BCL2L12: variants seen among roughly 807,000 people sequenced by gnomAD.
BCL2L12 encodes BCL2 like 12, also known as bcl-2-like protein 12.
A neutral mutation model predicts 25.7 loss-of-function variants in BCL2L12; 27 were observed. The ratio of observed to expected loss-of-function variants is 1.05; its 90% CI spans 0.78 to 1.45. BCL2L12 has a LOEUF of 1.45. Among genes scored for constraint, BCL2L12 ranks in the 40% most tolerant of loss-of-function variants. The pLI, the probability that BCL2L12 is intolerant of heterozygous loss-of-function variation, is 0.00. For synonymous variants in BCL2L12, 132 were observed against 145.6 expected (o/e 0.91, Z 0.67); for missense variants, 302 against 329.8 (o/e 0.92, Z 0.65).
upstream of BCL2L12, chr19:49,665,923 A>C (rs767861480): frequency 6.2e-7 from 1 of 1,613,804 alleles, no homozygotes; most frequent in Non-Finnish European, 8.5e-7. Flanking sequence ...GCGTGCACCC[A>C]GCGTTCCGCC....
chr19:49,668,803 T>G (rs1279145325), intron 3 of BCL2L12, 48 bp from the exon 4 acceptor site: 4 of 1,542,386 alleles, frequency 2.6e-6, no homozygotes, highest in Non-Finnish European at 2.7e-6. Context: ...AGAGAATCCG[T>G]AAGTTTCCAA....
intron 3 of BCL2L12, 140 bp downstream of exon 3, chr19:49,667,301 C>T (rs1363386002): frequency 4.9e-6 from 6 of 1,226,510 alleles, no homozygotes; most frequent in Non-Finnish European, 6.8e-6. Flanking sequence ...CTCTCCCCTC[C>T]CCAGTTAGAT....
Position 49,665,953 on chromosome 19 carries a change from T to A in BCL2L12, c.-123T>A, listed in dbSNP as rs752989868. The A allele has an allele frequency of 9.9e-6, 16 of 1,613,464 alleles. No homozygotes were observed. The highest frequency in any genetic ancestry group is 6.7e-5 in the Admixed American group (4 of 59,968). ...TCCGCCCTTTCTACGCTGGGCCGGT[T>A]ATCGACCCGGCCCAGTGCGCAGGCG... On this transcript the variant is annotated 5_prime_UTR_variant, in exon 1 of 7. Coordinates refer to ENST00000246784, the MANE Select transcript of BCL2L12 (RefSeq NM_138639.2).
rs1293959236 is a variant in BCL2L12 at position 49,670,422 on chromosome 19, C to A, written c.636C>A (p.Thr212=). 6.5e-7 allele frequency: 1 copy of A among 1,541,230 alleles called. No homozygotes were observed. The highest frequency in any genetic ancestry group is 2.4e-5 in the East Asian group (1 of 40,934). The part of the protein sequence containing the change: ...LSRRVAGLGG[T]LAGLSVEHVH... ...GGCGCGTGGCCGGGCTGGGGGGCAC[C>A]CTGGCCGGACTCAGCGTGGAGCACG... The change falls in exon 6 of 7, where the codon ACC becomes ACA. Residue 212 remains threonine (T), a synonymous_variant. Coordinates refer to ENST00000246784, the MANE Select transcript of BCL2L12 (RefSeq NM_138639.2).
In BCL2L12 at chr19:49,668,928, C is replaced by G. The variant is rs767455546; in HGVS notation, c.328C>G (p.Pro110Ala). 6.2e-7 allele frequency: 1 copy of G among 1,613,812 alleles called. No individual in the cohort carries two copies. Among genetic ancestry groups the G allele is most frequent in the Admixed American group, 1.7e-5 (1 of 59,984 alleles). ...GGTCCAAGAGCAGCTGAAATCTCCG[C>G]CCAGCCCAGGTGAGGCACAGAGGAG... ...QLVQEQLKSP[P>A]SPELQGPPST... Residue 110 changes from proline (P) to alanine (A), a missense_variant, in exon 4 of 7, where the codon CCC becomes GCC. Coordinates refer to ENST00000246784, the MANE Select transcript of BCL2L12 (RefSeq NM_138639.2).
chr19:49,665,802 TG>T (rs1249703947), upstream of BCL2L12: 1 of 1,576,350 alleles, frequency 6.3e-7, no homozygotes, highest in South Asian at 1.1e-5. Context: ...TATCATTCTT[TG>T]GGTAACAGAC....
At chr19:49,669,300 C>T in intron 5 of BCL2L12, 185 bp downstream of exon 5, 7 of 1,209,114 alleles carry the variant, frequency 5.8e-6, no homozygotes, top group Non-Finnish European at 1.1e-6. Flanking sequence ...CTTTGGGAGG[C>T]CGAGTTGGGT....
rs775763410 is a variant in BCL2L12 at position 49,668,926 on chromosome 19, C to T, written c.326C>T (p.Pro109Leu). ...CTGGTCCAAGAGCAGCTGAAATCTC[C>T]GCCCAGCCCAGGTGAGGCACAGAGG... ...EQLVQEQLKS[P>L]PSPELQGPPS... The change falls in exon 4 of 7, where the codon CCG becomes CTG. Residue 109 changes from proline (P) to leucine (L), a missense_variant. Pro to Leu is a moderately conservative substitution (Grantham distance 98). Transcript: ENST00000246784. The T allele has an allele frequency of 2.4e-5, 39 of 1,613,806 alleles. 1 individual carries two copies. Among genetic ancestry groups the T allele is most frequent in the Middle Eastern group, 1.7e-4 (1 of 6,000 alleles).
upstream of BCL2L12, chr19:49,665,919 A>C (rs761609418): frequency 2.5e-6 from 4 of 1,613,580 alleles, no homozygotes; most frequent in African/African-American, 2.7e-5. Flanking sequence ...TTGAGCGTGC[A>C]CCCAGCGTTC....
intron 6 of BCL2L12, 142 bp from the exon 7 acceptor site, chr19:49,673,556 G>T: frequency 1.4e-6 from 1 of 709,546 alleles, no homozygotes; most frequent in East Asian, 2.6e-5. Flanking sequence ...CTGGGTCTCT[G>T]TCCCCTTGTC....
rs975100268 is a variant in BCL2L12 at position 49,665,996 on chromosome 19, T to C, written c.-80T>C. The C allele has an allele frequency of 1.9e-6, 3 of 1,603,152 alleles. No individual in the cohort carries two copies. In the African/African-American group the frequency reaches 4.0e-5, roughly 21 times the overall value. On this transcript the variant is annotated 5_prime_UTR_variant, in exon 1 of 7. Transcript: ENST00000246784. ...CGCAGGCGCGGGAAAGTTGAACTAA[T>C]AAAGTTTGTACGAGTTCAGTGGAGG...
At chr19:49,669,963 A>G (rs1378380480) in intron 5 of BCL2L12, among the ~76,000 whole-genome samples, 2 of 152,158 alleles carry the variant, frequency 1.3e-5, no homozygotes, top group Non-Finnish European at 2.9e-5. Flanking sequence ...ACTCAGTTAC[A>G]GTAGAGATTG....
chr19:49,668,967 T>C (rs1177045032), intron 4 of BCL2L12, 30 bp downstream of exon 4: 1 of 1,613,916 alleles, frequency 6.2e-7, no homozygotes, highest in Non-Finnish European at 8.5e-7. Flanking sequence ...CAGAGAAGGA[T>C]GGCGGTGGGA....
At chr19:49,665,590 C>G, upstream of BCL2L12, 1 of 541,684 alleles carries the variant, frequency 1.8e-6, no homozygotes, top group Non-Finnish European at 3.3e-6. Context: ...GCTCCTCGCT[C>G]TCGGACGCCA....
chr19:49,667,263 C>G, intron 3 of BCL2L12, 102 bp downstream of exon 3: 1 of 1,495,682 alleles, frequency 6.7e-7, no homozygotes, highest in African/African-American at 1.4e-5. Context: ...GTCTCTAGCA[C>G]CAGCCTTCAG....
chr19:49,670,381 G>A lies in BCL2L12; in HGVS notation c.595G>A (p.Ala199Thr). 1 of 1,575,630 alleles carries A rather than the reference G, an allele frequency of 6.3e-7. No individual in the cohort carries two copies. ...SPEPLARLALAMELSRRVAGL... is the reference protein window; with the variant it reads ...SPEPLARLALTMELSRRVAGL... ...GGAGCCCCTGGCCCGCCTGGCCCTAGCCATGGAGCTGAGCCGGCGCGTGGC... is the reference window on the plus strand; with the variant it reads ...GGAGCCCCTGGCCCGCCTGGCCCTAACCATGGAGCTGAGCCGGCGCGTGGC... The change falls in exon 6 of 7, where the codon GCC becomes ACC. Residue 199 changes from alanine to threonine, a missense_variant. Physicochemically the swap from Ala to Thr is moderately conservative, Grantham distance 58. Transcript: ENST00000246784.
chr19:49,667,100 C>A lies in BCL2L12; in HGVS notation c.189C>A (p.Ala63=), dbSNP rs1456266930. Residue 63 remains alanine, a synonymous_variant, in exon 3 of 7, where the codon GCC becomes GCA. Transcript: ENST00000246784. ...CCTGCTCCCTGGGGCGAGGAGCAGC[C>A]CCCTCTGAGTCCCCTCGGCCTTGCT... is the stretch of plus-strand genomic sequence containing the variant. ...CLPCSLGRGA[A]PSESPRPCSL... is the part of the protein sequence containing the mutation. The A allele has an allele frequency of 1.2e-6, 2 of 1,613,988 alleles. No individual in the cohort carries two copies. The highest frequency in any genetic ancestry group is 1.7e-6 in the Non-Finnish European group (2 of 1,180,008).
chr19:49,666,938 C>A (rs374253313), intron 2 of BCL2L12, 81 bp from the exon 3 acceptor site: 6 of 1,554,342 alleles, frequency 3.9e-6, no homozygotes, highest in South Asian at 1.2e-5. Flanking sequence ...AGGTCCTCAG[C>A]GGGGGAGGGA....
Position 49,669,008 on chromosome 19 carries a change from T to C in BCL2L12, c.338-16T>C, listed in dbSNP as rs878870588. On this transcript the variant is annotated splice_polypyrimidine_tract_variant and intron_variant, in intron 4 of 6. Transcript: ENST00000246784. ...GTCAGGGTTCTGCCCCCAGCCAAAT[T>C]CTCTTCTGCCTCCAGAATTACAGGG... The C allele has an allele frequency of 6.2e-7, 1 of 1,613,810 alleles. No homozygotes were observed. The highest frequency in any genetic ancestry group is 1.1e-5 in the South Asian group (1 of 91,050).
Sources: allele counts gnomAD v4.1 joint callset (sites outside exome capture counted in the v4.1 genomes callset), GRCh38; gene constraint gnomAD v4.1.1; transcripts MANE v1.5; gene names NCBI Gene and HGNC (gene_info 2026-07-23, HGNC 2026-07-21).